KALRN: variants seen among roughly 807,000 people sequenced by gnomAD.
KALRN encodes kalirin.
In KALRN, 70 loss-of-function variants were observed where a neutral mutation model predicts 353.7. That is an observed-to-expected ratio of 0.20 (90% CI 0.16 to 0.24). KALRN has a LOEUF of 0.24. Ranked by LOEUF, KALRN falls within the 10% of genes least tolerant of loss-of-function variation. The pLI, the probability that KALRN is intolerant of heterozygous loss-of-function variation, is 1.00. For synonymous variants in KALRN, 1,391 were observed against 1,434.8 expected (o/e 0.97, Z 0.69); for missense variants, 2,791 against 3,756.7 (o/e 0.74, Z 6.72).
At chr3:124,581,518 C>G (rs66540012) in intron 34 of KALRN, among the ~76,000 whole-genome samples, 25,254 of 152,020 alleles carry the variant, frequency 0.17, 2,223 homozygotes, top group Middle Eastern at 0.2. Context: ...ACATGTAACT[C>G]AAGCCAGTTT....
rs574457499 is a variant in KALRN at position 124,671,904 on chromosome 3, T to C, written c.6942+6T>C. On this transcript the variant is annotated splice_donor_region_variant and intron_variant, in intron 48 of 59. Transcript: ENST00000682506. ...ACAAGTTCGAAGCCAGCAAGGTAAG[T>C]GACAACTCATTACTCCCACCCTTGT... 5 of 1,589,962 alleles carry C rather than the reference T, an allele frequency of 3.1e-6. No homozygotes were observed. In the Admixed American group the frequency reaches 5.0e-5, roughly 16 times the overall value.
intron 10 of KALRN, among the ~76,000 whole-genome samples, chr3:124,365,056 T>C (rs1437396676): frequency 1.3e-5 from 2 of 152,230 alleles, no homozygotes; most frequent in Non-Finnish European, 2.9e-5. Flanking sequence ...CTCAGCATTA[T>C]ATTGCTAATT....
At chr3:124,499,639 AAG>A in intron 33 of KALRN, among the ~76,000 whole-genome samples, 1 of 152,326 alleles carries the variant, frequency 6.6e-6, no homozygotes, top group South Asian at 2.1e-4. Flanking sequence ...TGTCTATAAA[AAG>A]AACTTTACTC....
At chr3:124,527,611 A>AG (rs1402341953) in intron 33 of KALRN, among the ~76,000 whole-genome samples, 5 of 148,952 alleles carry the variant, frequency 3.4e-5, no homozygotes, top group East Asian at 1.9e-4. Context: ...AAAAAAAAAA[A>AG]AAGAAGAAGA....
intron 1 of KALRN, among the ~76,000 whole-genome samples, chr3:124,055,540 A>T (rs1269530001): frequency 6.6e-6 from 1 of 152,186 alleles, no homozygotes; most frequent in African/African-American, 2.4e-5. Flanking sequence ...AGACCACCTT[A>T]ATTACTCTAT....
At chr3:124,689,560 G>A (rs1345920330) in intron 51 of KALRN, among the ~76,000 whole-genome samples, 1 of 151,970 alleles carries the variant, frequency 6.6e-6, no homozygotes. Context: ...ATTTTACATT[G>A]ACTCCAACCT....
intron 10 of KALRN, among the ~76,000 whole-genome samples, chr3:124,377,854 T>A (rs2086800073): frequency 6.6e-6 from 1 of 152,146 alleles, no homozygotes; most frequent in Non-Finnish European, 1.5e-5. Context: ...CTGATATTAA[T>A]ATAGCCACCC....
At chr3:124,642,802 CCTCGTTT>C (rs2082184385) in intron 37 of KALRN, among the ~76,000 whole-genome samples, 26 of 60,042 alleles carry the variant, frequency 4.3e-4, no homozygotes, top group Admixed American at 8.0e-4. Flanking sequence ...GATTCCCAAG[CCTCGTTT>C]TTTTTTTTTT....
intron 1 of KALRN, among the ~76,000 whole-genome samples, chr3:124,208,783 A>G (rs1008683948): frequency 2.0e-5 from 3 of 151,872 alleles, no homozygotes; most frequent in Admixed American, 6.6e-5. Flanking sequence ...TGGGCAACAT[A>G]GGGAGGTCCC....
chr3:124,207,347 G>GT (rs2076502662), intron 1 of KALRN, among the ~76,000 whole-genome samples: 1 of 152,208 alleles, frequency 6.6e-6, no homozygotes, highest in African/African-American at 2.4e-5. Flanking sequence ...AGTGCTAGCT[G>GT]TAAGTTGCTA....
intron 1 of KALRN, among the ~76,000 whole-genome samples, chr3:124,195,320 T>G (rs1310940499): frequency 6.6e-6 from 1 of 152,192 alleles, no homozygotes; most frequent in Non-Finnish European, 1.5e-5. Flanking sequence ...CCTCTTGGGA[T>G]GCTGCCTTTG....
Position 124,719,060 on chromosome 3 carries a change from G to A in KALRN, c.8551G>A (p.Val2851Ile), listed in dbSNP as rs2063296562. The change falls in exon 60 of 60, where the codon GTC becomes ATC. Residue 2851 changes from valine to isoleucine, a missense_variant. By Grantham distance (29) the Val-to-Ile change is conservative (BLOSUM62 3). This residue lies in a region of KALRN where 188 missense variants were observed against 402.9 expected (regional missense o/e 0.47). Coordinates refer to ENST00000682506, the MANE Select transcript of KALRN (RefSeq NM_001388419.1). This position sits in a 1 kb window ranked among gnomAD's most constrained non-coding sequence, Gnocchi z 5.3. Reference sequence around the variant, plus strand: ...GAACCCTGAGTTTGCTGCCCCAGAAGTCATTCAAGGCATCCCCGTCTCCCT... The same window carrying A: ...GAACCCTGAGTTTGCTGCCCCAGAAATCATTCAAGGCATCCCCGTCTCCCT... ...LGNPEFAAPE[V>I]IQGIPVSLGT... is the part of the protein sequence containing the mutation. 3 of 1,614,208 alleles carry A rather than the reference G, an allele frequency of 1.9e-6. No homozygotes were observed. Among genetic ancestry groups the A allele is most frequent in the Non-Finnish European group, 2.5e-6 (3 of 1,180,038 alleles).
intron 34 of KALRN, among the ~76,000 whole-genome samples, chr3:124,566,117 G>A (rs564945210): frequency 1.3e-5 from 2 of 152,252 alleles, no homozygotes; most frequent in African/African-American, 4.8e-5. Flanking sequence ...GGCCAATTAT[G>A]CTGAGCTTTC....
At chr3:124,685,054 C>T (rs1202428944) in intron 51 of KALRN, among the ~76,000 whole-genome samples, 1 of 152,202 alleles carries the variant, frequency 6.6e-6, no homozygotes, top group East Asian at 1.9e-4. Context: ...GGTGACCAAC[C>T]TCCTGGCATC....
At chr3:124,611,887 C>T (rs900912064) in intron 34 of KALRN, among the ~76,000 whole-genome samples, 1 of 152,212 alleles carries the variant, frequency 6.6e-6, no homozygotes, top group African/African-American at 2.4e-5. Flanking sequence ...TGGTAGAAAG[C>T]CTTATTTCCG....
At chr3:124,460,175 T>C (rs1237446928) in intron 23 of KALRN, among the ~76,000 whole-genome samples, 1 of 152,212 alleles carries the variant, frequency 6.6e-6, no homozygotes, top group Non-Finnish European at 1.5e-5. Flanking sequence ...ACTCCAGTAC[T>C]GCAGTGATAC....
intron 1 of KALRN, among the ~76,000 whole-genome samples, chr3:124,045,989 A>G (rs1469742269): frequency 6.6e-6 from 1 of 152,238 alleles, no homozygotes; most frequent in Non-Finnish European, 1.5e-5. Flanking sequence ...GAGAAAAATA[A>G]GATGGTAATC....
Position 124,719,044 on chromosome 3 carries a change from G to A in KALRN, c.8535G>A (p.Glu2845=). The A allele has an allele frequency of 6.2e-7, 1 of 1,614,196 alleles. No individual in the cohort carries two copies. Among genetic ancestry groups the A allele is most frequent in the Non-Finnish European group, 8.5e-7 (1 of 1,180,046 alleles). ...FHIHHLLGNP[E]FAAPEVIQGI... Reference sequence around the variant, plus strand: ...TTCACCACCTGCTGGGGAACCCTGAGTTTGCTGCCCCAGAAGTCATTCAAG... The same window carrying A: ...TTCACCACCTGCTGGGGAACCCTGAATTTGCTGCCCCAGAAGTCATTCAAG... The change falls in exon 60 of 60, where the codon GAG becomes GAA. Residue 2845 remains glutamate, a synonymous_variant. Coordinates refer to ENST00000682506, the MANE Select transcript of KALRN (RefSeq NM_001388419.1). The surrounding 1 kb of genome is among the most constrained non-coding windows in gnomAD (Gnocchi z 5.3).
chr3:124,597,519 G>A (rs1239817712), intron 34 of KALRN, among the ~76,000 whole-genome samples: 4 of 152,160 alleles, frequency 2.6e-5, no homozygotes, highest in Non-Finnish European at 5.9e-5. Flanking sequence ...AGAGCAGGAA[G>A]GGGTTTTTAA....
Sources: gnomAD v4.1 joint callset for allele counts (sites outside exome capture counted in the v4.1 genomes callset) on GRCh38, gnomAD v4.1.1 for gene constraint, gnomAD v4.1.1 regional missense constraint, Gnocchi (gnomAD v3.1) non-coding constraint, MANE v1.5 for transcripts, NCBI Gene and HGNC (gene_info 2026-07-23, HGNC 2026-07-21) for gene names.